MACROD2: variants seen among roughly 807,000 people sequenced by gnomAD.
MACROD2 encodes the protein mono-ADP ribosylhydrolase 2, also known as ADP-ribose glycohydrolase MACROD2.
MACROD2 carries 36 observed loss-of-function variants against 70.4 expected under a neutral mutation model. That is an observed-to-expected ratio of 0.51 (90% CI 0.39 to 0.68). The LOEUF is 0.68. Ranked by LOEUF, MACROD2 falls within the 30% of genes least tolerant of loss-of-function variation. The pLI is 0.00. For missense variants in MACROD2, 496 were observed against 538.4 expected (o/e 0.92, Z 0.78); for synonymous variants, 172 against 178.8 (o/e 0.96, Z 0.30).
intron 5 of MACROD2, among the ~76,000 whole-genome samples, chr20:14,967,010 G>A (rs920105378): frequency 1.3e-5 from 2 of 152,196 alleles, no homozygotes; most frequent in Non-Finnish European, 2.9e-5. Context: ...GTGTGTAATA[G>A]TGGATATGTA....
chr20:14,714,899 G>A (rs1052077706), intron 5 of MACROD2, among the ~76,000 whole-genome samples: 1 of 152,142 alleles, frequency 6.6e-6, no homozygotes, highest in Non-Finnish European at 1.5e-5. Context: ...TGTCCACAGT[G>A]TTTTTGTTCT....
chr20:14,977,864 T>TA (rs1256621266), intron 5 of MACROD2, among the ~76,000 whole-genome samples: 1 of 152,188 alleles, frequency 6.6e-6, no homozygotes, highest in African/African-American at 2.4e-5. Context: ...GGATAATGGC[T>TA]ATCTATGTAT....
chr20:15,109,922 T>C (rs2075941719), intron 5 of MACROD2, among the ~76,000 whole-genome samples: 1 of 151,852 alleles, frequency 6.6e-6, no homozygotes, highest in South Asian at 2.1e-4. Context: ...ATTTGGGAGA[T>C]TGGAGAGCAA....
intron 8 of MACROD2, among the ~76,000 whole-genome samples, chr20:15,662,998 TATTA>T (rs2049843388): frequency 8.5e-6 from 1 of 117,612 alleles, no homozygotes; most frequent in African/African-American, 3.0e-5. Flanking sequence ...TATTTTTGCC[TATTA>T]ATGTATGGTT....
At chr20:15,170,337 G>A (rs2076414319) in intron 5 of MACROD2, among the ~76,000 whole-genome samples, 2 of 152,176 alleles carry the variant, frequency 1.3e-5, no homozygotes, top group Admixed American at 1.3e-4. Flanking sequence ...GAGAAGTAGA[G>A]ATTAAAGCAT....
chr20:15,559,719 T>C (rs2048217468), intron 8 of MACROD2, among the ~76,000 whole-genome samples: 1 of 152,324 alleles, frequency 6.6e-6, no homozygotes, highest in Middle Eastern at 3.4e-3. Context: ...GTCACTCTTC[T>C]TGGGCTCACA....
intron 6 of MACROD2, among the ~76,000 whole-genome samples, chr20:15,421,086 TA>T (rs1001488411): frequency 1.3e-5 from 2 of 151,732 alleles, no homozygotes; most frequent in South Asian, 2.1e-4. Context: ...GTCCTTCCTC[TA>T]AAAAAAACAC....
chr20:14,308,197 T>C lies in MACROD2; in HGVS notation c.272-185282T>C, dbSNP rs572812683. Among the ~76,000 whole-genome samples, 4 of 152,264 alleles carry C rather than the reference T, an allele frequency of 2.6e-5. No individual in the cohort carries two copies. The South Asian group carries it at 6.2e-4, about 24-fold the overall frequency. ...TGGATTGGAACATAATGATGGCATT[T>C]ATGTTATTTGCCTCCTGCACTTTAT... is the stretch of plus-strand genomic sequence containing the variant. On this transcript the variant is annotated intron_variant, in intron 3 of 17. Transcript: ENST00000684519.
intron 5 of MACROD2, among the ~76,000 whole-genome samples, chr20:14,843,781 G>A (rs554552711): frequency 6.6e-6 from 1 of 152,126 alleles, no homozygotes; most frequent in African/African-American, 2.4e-5. Context: ...GCCCACTCTT[G>A]TTAACTCCTT....
intron 8 of MACROD2, among the ~76,000 whole-genome samples, chr20:15,768,698 T>C (rs1441494302): frequency 6.6e-6 from 1 of 152,248 alleles, no homozygotes; most frequent in Non-Finnish European, 1.5e-5. Context: ...TTTTGACTAT[T>C]TTGTAATCAT....
chr20:14,590,236 A>G (rs1188836048), intron 4 of MACROD2, among the ~76,000 whole-genome samples: 2 of 152,162 alleles, frequency 1.3e-5, no homozygotes, highest in Non-Finnish European at 2.9e-5. Context: ...AACTGGGACC[A>G]TCTAGGGCAA....
At chr20:14,277,222 G>A (rs1054229302) in intron 3 of MACROD2, among the ~76,000 whole-genome samples, 15 of 152,110 alleles carry the variant, frequency 9.9e-5, no homozygotes, top group African/African-American at 3.1e-4. Flanking sequence ...GGCTGAGGGG[G>A]GCGGATCGTG....
intron 6 of MACROD2, among the ~76,000 whole-genome samples, chr20:15,322,624 T>C (rs1224739926): frequency 1.4e-5 from 2 of 144,312 alleles, no homozygotes; most frequent in African/African-American, 5.0e-5. Context: ...GGAGTGAGTA[T>C]TTTTGGTCAA....
chr20:14,842,164 G>A (rs1568827603), intron 5 of MACROD2, among the ~76,000 whole-genome samples: 1 of 152,080 alleles, frequency 6.6e-6, no homozygotes, highest in African/African-American at 2.4e-5. Flanking sequence ...TCTCTAGAGA[G>A]AGGAAATGTG....
intron 4 of MACROD2, chr20:14,636,321 A>T (rs1230978255): frequency 6.6e-6 from 1 of 152,098 alleles, no homozygotes; most frequent in African/African-American, 2.4e-5. Context: ...AGAAAAATGA[A>T]ATGAAGTTAA....
At chr20:14,281,712 G>A (rs994522146) in intron 3 of MACROD2, among the ~76,000 whole-genome samples, 2 of 151,796 alleles carry the variant, frequency 1.3e-5, no homozygotes, top group African/African-American at 2.4e-5. Flanking sequence ...CAAGGCGGGC[G>A]GATCACAAGG....
intron 8 of MACROD2, among the ~76,000 whole-genome samples, chr20:15,835,390 G>A (rs1009097238): frequency 3.3e-5 from 5 of 151,856 alleles, no homozygotes; most frequent in African/African-American, 1.2e-4. Context: ...TTGAAATCTT[G>A]CCTGATACTT....
At chr20:14,953,676 T>C (rs370560902) in intron 5 of MACROD2, among the ~76,000 whole-genome samples, 2 of 152,188 alleles carry the variant, frequency 1.3e-5, no homozygotes, top group African/African-American at 4.8e-5. Context: ...GTGGTGTCTG[T>C]CACACAGAAT....
At chr20:15,269,011 C>T (rs140779988) in intron 6 of MACROD2, among the ~76,000 whole-genome samples, 2 of 152,340 alleles carry the variant, frequency 1.3e-5, no homozygotes, top group African/African-American at 4.8e-5. Flanking sequence ...CACTTCAGAG[C>T]CACAGCATCT....
Sources: gnomAD v4.1 joint callset for allele counts (sites outside exome capture counted in the v4.1 genomes callset) on GRCh38, gnomAD v4.1.1 for gene constraint, MANE v1.5 for transcripts, NCBI Gene and HGNC (gene_info 2026-07-23, HGNC 2026-07-21) for gene names.